LYSMD2: variants seen among roughly 807,000 people sequenced by gnomAD.
LYSMD2 encodes the protein lysM and putative peptidoglycan-binding domain-containing protein 2.
In LYSMD2, 6 loss-of-function variants were observed where a neutral mutation model predicts 17.7. The ratio of observed to expected loss-of-function variants is 0.34; its 90% confidence interval spans 0.19 to 0.67. The LOEUF (loss-of-function observed/expected upper bound fraction) is 0.67. LYSMD2 is among the 30% of genes least tolerant of loss of function. The pLI, the probability that LYSMD2 is intolerant of heterozygous loss-of-function variation, is 0.69. For synonymous variants in LYSMD2, 102 were observed against 129.8 expected (o/e 0.79, Z 1.45); for missense variants, 237 against 286.7 (o/e 0.83, Z 1.25).
chr15:51,724,635 TAAGA>T (rs2055525229), intron 2 of LYSMD2, among the ~76,000 whole-genome samples, 151 bp downstream of exon 2: 1 of 136,098 alleles, frequency 7.3e-6, no homozygotes, highest in Non-Finnish European at 1.6e-5. Flanking sequence ...AGGAAGAAAT[TAAGA>T]AAGAAAGAAA....
In LYSMD2 at chr15:51,729,544, T is replaced by C. The variant is rs2606132; in HGVS notation, c.274-4423A>G. Among the ~76,000 whole-genome samples the C allele has an allele frequency of 8.8e-3, 1,347 of 152,322 alleles. 13 individuals are homozygous for C. The highest frequency in any genetic ancestry group is 0.031 in the African/African-American group (1,294 of 41,572). ...CACGATCTCGGCTCACTGCAACCTC[T>C]TCCTCCCGGGTTTAAGCTATTCTAC... On this transcript the variant is annotated intron_variant, in intron 1 of 2. Transcript: ENST00000267838.
chr15:51,748,006 C>A (rs1474753432), intron 1 of LYSMD2, among the ~76,000 whole-genome samples: 1 of 152,086 alleles, frequency 6.6e-6, no homozygotes, highest in Non-Finnish European at 1.5e-5. Context: ...GGCCCGGTGG[C>A]TCACGCCTGT....
rs1567229676 is a variant in LYSMD2, at chr15:51,737,601, G to C, written c.22C>G (p.Leu8Val). Residue 8 changes from leucine (L) to valine (V), a missense_variant, in exon 1 of 3, where the codon CTG becomes GTG. Leu to Val is a conservative substitution (Grantham distance 32). Coordinates refer to ENST00000267838, the MANE Select transcript of LYSMD2 (RefSeq NM_153374.3). This position sits in a 1 kb window ranked among gnomAD's most constrained non-coding sequence, Gnocchi z 4.2. The part of the protein sequence containing the change: MADSSPA[L>V]SLREGGPRAP... ...CGGGGGCCGCCTTCCCGCAGGGACAGTGCGGGCGAGGAATCCGCCATGGGT... is the reference window on the plus strand; with the variant it reads ...CGGGGGCCGCCTTCCCGCAGGGACACTGCGGGCGAGGAATCCGCCATGGGT... 1 of 1,211,978 alleles carries C rather than the reference G, an allele frequency of 8.3e-7. No individual in the cohort carries two copies. The allele number at this position is 1,211,978 out of a possible 1,614,324, so 75.1% of individuals were successfully genotyped here. A position where few individuals can be genotyped will look rare whatever the true frequency, so the allele number is the denominator to read the frequency against.
At chr15:51,744,263 T>C (rs2622764) in intron 1 of LYSMD2, among the ~76,000 whole-genome samples, 97 of 152,274 alleles carry the variant, frequency 6.4e-4, no homozygotes, top group Non-Finnish European at 1.2e-3. Context: ...AAATATAATG[T>C]TGACTGTAGA....
chr15:51,743,161 G>A (rs995858946), intron 1 of LYSMD2, among the ~76,000 whole-genome samples: 2 of 152,014 alleles, frequency 1.3e-5, no homozygotes, highest in Middle Eastern at 3.4e-3. Context: ...CTTTTTTTGA[G>A]ATGGGGGTCT....
intron 1 of LYSMD2, among the ~76,000 whole-genome samples, chr15:51,726,366 T>C (rs1435813029): frequency 6.6e-6 from 1 of 152,260 alleles, no homozygotes; most frequent in East Asian, 1.9e-4. Context: ...ATTTCGCCTT[T>C]AGGACCCCTA....
intron 1 of LYSMD2, among the ~76,000 whole-genome samples, chr15:51,747,948 C>G (rs2055676392): frequency 6.6e-6 from 1 of 152,134 alleles, no homozygotes; most frequent in Non-Finnish European, 1.5e-5. Flanking sequence ...TCTAATAACC[C>G]CATGTGGTAA....
upstream of LYSMD2, among the ~76,000 whole-genome samples, chr15:51,739,102 T>G (rs1476006137): frequency 6.6e-6 from 1 of 152,234 alleles, no homozygotes. Flanking sequence ...AGATTTTTCC[T>G]AATTCTTCCC....
rs780695672 is a variant in LYSMD2, at chr15:51,723,598, C to T, written c.*9G>A. ...CTTAATTTTGGTTAGAGTTATGCCCCCAAATCACCTAACTGTGATAGAGGG... is the reference window on the plus strand; with the variant it reads ...CTTAATTTTGGTTAGAGTTATGCCCTCAAATCACCTAACTGTGATAGAGGG... On this transcript the variant is annotated 3_prime_UTR_variant, in exon 3 of 3. Transcript: ENST00000267838. The T allele has an allele frequency of 1.2e-6, 2 of 1,604,724 alleles. No individual in the cohort carries two copies. The highest frequency in any genetic ancestry group is 1.7e-6 in the Non-Finnish European group (2 of 1,172,798).
At position 51,734,190 on chromosome 15, in the gene LYSMD2, AAAAC is replaced by A. The variant is rs772689203; in HGVS notation, c.273+3156_273+3159del. 1.2e-4 allele frequency among the ~76,000 whole-genome samples: 19 copies of A among 152,274 alleles called. No homozygotes were observed. In the East Asian group the frequency reaches 1.5e-3, roughly 12 times the overall value. On this transcript the variant is annotated intron_variant, in intron 1 of 2. Transcript: ENST00000267838. ...AAAGTGAGCCTTTGTCTCAAAAACA[AAAAC>A]AAACAAACAAACAAAACAGAGACTC...
At position 51,737,277 on chromosome 15, in the gene LYSMD2, CACCGCA is replaced by C; in HGVS notation, c.273+67_273+72del. The C allele has an allele frequency of 9.0e-7, 1 of 1,115,610 alleles. No homozygotes were observed. The allele number at this position is 1,115,610 out of a possible 1,614,324, so 69.1% of individuals were successfully genotyped here. A position where few individuals can be genotyped will look rare whatever the true frequency, so the allele number is the denominator to read the frequency against. On this transcript the variant is annotated intron_variant, in intron 1 of 2. Coordinates refer to ENST00000267838, the MANE Select transcript of LYSMD2 (RefSeq NM_153374.3). This position sits in a 1 kb window ranked among gnomAD's most constrained non-coding sequence, Gnocchi z 4.2. The stretch of plus-strand genomic sequence containing the variant: ...CCACCCGCAGTCCCACCCCCACCCC[CACCGCA>C]CCCCGAGCCGCACCGCCTCCTGCGC...
chr15:51,728,475 T>C (rs2055555330), intron 1 of LYSMD2, among the ~76,000 whole-genome samples: 1 of 151,738 alleles, frequency 6.6e-6, no homozygotes, highest in African/African-American at 2.4e-5. Flanking sequence ...GCAATTATTA[T>C]CATTAAATTT....
At chr15:51,726,063 T>C (rs1221857999) in intron 1 of LYSMD2, among the ~76,000 whole-genome samples, 1 of 152,194 alleles carries the variant, frequency 6.6e-6, no homozygotes, top group Non-Finnish European at 1.5e-5. Context: ...GTCAACTAAG[T>C]GGACCCTGTT....
At chr15:51,737,822 C>T, upstream of LYSMD2, 1 of 345,178 alleles carries the variant, frequency 2.9e-6, no homozygotes, top group Non-Finnish European at 5.1e-6. The surrounding 1 kb of genome is among the most constrained non-coding windows in gnomAD (Gnocchi z 4.2). Context: ...CTGCCCCGGG[C>T]GCCCGCGGCA....
intron 1 of LYSMD2, among the ~76,000 whole-genome samples, chr15:51,744,407 T>C (rs1009652036): frequency 6.6e-6 from 1 of 152,154 alleles, no homozygotes; most frequent in African/African-American, 2.4e-5. Context: ...ATCATATGAC[T>C]TTTTTCCTCT....
At chr15:51,744,178 T>G (rs559501200) in intron 1 of LYSMD2, among the ~76,000 whole-genome samples, 7 of 152,286 alleles carry the variant, frequency 4.6e-5, no homozygotes, top group African/African-American at 1.7e-4. Context: ...CAATACAATG[T>G]TGAATAGAGG....
chr15:51,734,039 C>T (rs1001751687), intron 1 of LYSMD2, among the ~76,000 whole-genome samples: 1 of 152,012 alleles, frequency 6.6e-6, no homozygotes, highest in Non-Finnish European at 1.5e-5. Flanking sequence ...AAAAATTAGC[C>T]GGGCATGGTG....
chr15:51,728,332 T>C (rs2055553566), intron 1 of LYSMD2, among the ~76,000 whole-genome samples: 1 of 150,450 alleles, frequency 6.6e-6, no homozygotes, highest in African/African-American at 2.5e-5. Context: ...GGCATGAGAA[T>C]CACTTGAAGG....
At chr15:51,747,349 G>C (rs1046712698) in intron 1 of LYSMD2, among the ~76,000 whole-genome samples, 1 of 152,060 alleles carries the variant, frequency 6.6e-6, no homozygotes, top group Non-Finnish European at 1.5e-5. Flanking sequence ...AAATTAGCCA[G>C]GCGTGGTGGC....
Sources: allele counts gnomAD v4.1 joint callset (sites outside exome capture counted in the v4.1 genomes callset), GRCh38; gene constraint gnomAD v4.1.1; non-coding constraint Gnocchi (gnomAD v3.1); transcripts MANE v1.5; gene names NCBI Gene and HGNC (gene_info 2026-07-23, HGNC 2026-07-21).